Variants in SLC1A1 observed in about 807,000 individuals in gnomAD.
SLC1A1 encodes solute carrier family 1 member 1.
Under a neutral mutation model 53.3 loss-of-function variants are expected in SLC1A1, and 43 were observed. The ratio of observed to expected loss-of-function variants is 0.81; its 90% CI spans 0.63 to 1.04. SLC1A1 has a LOEUF of 1.04. SLC1A1 is among the 50% of genes least tolerant of loss of function. The pLI is 0.00. For synonymous variants in SLC1A1, 307 were observed against 243.2 expected, an observed-to-expected ratio of 1.26 and a Z score of -2.44; for missense variants, 748 against 664.9, an observed-to-expected ratio of 1.12 and a Z score of -1.37.
intron 10 of SLC1A1, among the ~76,000 whole-genome samples, chr9:4,577,667 G>C (rs755877568): frequency 2.5e-4 from 38 of 152,052 alleles, no homozygotes; most frequent in Non-Finnish European, 4.9e-4. Context: ...GTAGAGATGG[G>C]TTTCACCATG....
intron 10 of SLC1A1, among the ~76,000 whole-genome samples, chr9:4,581,827 A>G (rs1821126591): frequency 1.3e-5 from 2 of 152,224 alleles, no homozygotes; most frequent in South Asian, 2.1e-4. Flanking sequence ...ACACTTGTCA[A>G]AAAACTCTGG....
rs143714386 is a variant in SLC1A1, at chr9:4,577,477, G to C, written c.1193+714G>C. Among the ~76,000 whole-genome samples, 158 of 152,242 alleles carry C rather than the reference G, an allele frequency of 1.0e-3. 1 individual carries two copies. Among genetic ancestry groups the C allele is most frequent in the Middle Eastern group, 3.4e-3 (1 of 294 alleles). ...TATTATGGACAGATTTGCATTTTAT[G>C]TATTTATTTATTTTTTGAGATGGAG... is the stretch of plus-strand genomic sequence containing the variant. On this transcript the variant is annotated intron_variant, in intron 10 of 11. Transcript: ENST00000262352.
At chr9:4,569,873 G>A (rs1303948956) in intron 6 of SLC1A1, among the ~76,000 whole-genome samples, 1 of 152,058 alleles carries the variant, frequency 6.6e-6, no homozygotes, top group Non-Finnish European at 1.5e-5. Context: ...CTGGGCATTG[G>A]GATTATAATG....
At position 4,502,910 on chromosome 9, in the gene SLC1A1, T is replaced by C. The variant is rs192664433; in HGVS notation, c.91+12140T>C. Among the ~76,000 whole-genome samples the C allele has an allele frequency of 3.9e-4, 59 of 151,842 alleles. No individual in the cohort carries two copies. The Middle Eastern group carries it at 0.02, about 53-fold the overall frequency. On this transcript the variant is annotated intron_variant, in intron 1 of 11. Coordinates refer to ENST00000262352, the MANE Select transcript of SLC1A1 (RefSeq NM_004170.6). Reference sequence around the variant, plus strand: ...TCCTTTCCGCTACGCTTCTCCTACATAAACCTTCTGTTTGAGCTTGAATTC... The same window carrying C: ...TCCTTTCCGCTACGCTTCTCCTACACAAACCTTCTGTTTGAGCTTGAATTC...
intron 1 of SLC1A1, among the ~76,000 whole-genome samples, chr9:4,513,895 A>C (rs1302097608): frequency 6.6e-6 from 1 of 152,218 alleles, no homozygotes; most frequent in Non-Finnish European, 1.5e-5. Context: ...TACAAAACTC[A>C]GATGAATCTT....
intron 1 of SLC1A1, among the ~76,000 whole-genome samples, chr9:4,512,528 T>A (rs2130816033): frequency 6.6e-6 from 1 of 151,744 alleles, no homozygotes; most frequent in Non-Finnish European, 1.5e-5. Context: ...AAACAACAAA[T>A]AAAACTCATA....
rs148425995 is a variant in SLC1A1 at position 4,579,685 on chromosome 9, A to G, written c.1193+2922A>G. On this transcript the variant is annotated intron_variant, in intron 10 of 11. Transcript: ENST00000262352. Reference sequence around the variant, plus strand: ...AATTAAAAATCCTCACTGGCTCTACATGGAAAATAATAAAAGTTGGTTTTG... The same window carrying G: ...AATTAAAAATCCTCACTGGCTCTACGTGGAAAATAATAAAAGTTGGTTTTG... 2.7e-3 allele frequency among the ~76,000 whole-genome samples: 410 copies of G among 152,358 alleles called. 2 individuals are homozygous for G. The highest frequency in any genetic ancestry group is 8.7e-3 in the African/African-American group (361 of 41,582).
intron 1 of SLC1A1, among the ~76,000 whole-genome samples, chr9:4,508,179 G>C (rs1266319961): frequency 1.3e-5 from 2 of 152,114 alleles, no homozygotes; most frequent in Non-Finnish European, 2.9e-5. Context: ...ATGATAGGTA[G>C]AATCACCCAT....
chr9:4,555,752 G>A (rs1048161757), intron 2 of SLC1A1, among the ~76,000 whole-genome samples: 1 of 152,136 alleles, frequency 6.6e-6, no homozygotes, highest in Non-Finnish European at 1.5e-5. Flanking sequence ...GGTGCCACCT[G>A]TTCCATCAAG....
rs199651448 is a variant in SLC1A1, at chr9:4,564,307, G to C, written c.326-37G>C. ...CCAGCTGTGCCAGGTGCCCTGGAAGGTTCCTAATGCTCTGTGGACGCTGTT... is the reference window on the plus strand; with the variant it reads ...CCAGCTGTGCCAGGTGCCCTGGAAGCTTCCTAATGCTCTGTGGACGCTGTT... On this transcript the variant is annotated intron_variant, in intron 3 of 11. Transcript: ENST00000262352. 2.8e-6 allele frequency: 4 copies of C among 1,439,466 alleles called. No individual in the cohort carries two copies. The African/African-American group carries it at 4.2e-5, about 15-fold the overall frequency. 89.2% of individuals were successfully genotyped at this position (1,439,466 alleles called of 1,614,324 possible).
chr9:4,506,891 G>C (rs1462717196), intron 1 of SLC1A1, among the ~76,000 whole-genome samples: 1 of 152,188 alleles, frequency 6.6e-6, no homozygotes, highest in East Asian at 1.9e-4. Flanking sequence ...TTTTCCATGA[G>C]GGCAGTACTA....
intron 1 of SLC1A1, among the ~76,000 whole-genome samples, chr9:4,543,295 T>C (rs1035754149): frequency 2.6e-5 from 4 of 152,306 alleles, no homozygotes; most frequent in Non-Finnish European, 5.9e-5. Context: ...CACTTAGTCA[T>C]TTTACTTCCA....
intron 1 of SLC1A1, among the ~76,000 whole-genome samples, chr9:4,521,170 T>C (rs1238584859): frequency 1.3e-5 from 2 of 152,244 alleles, no homozygotes; most frequent in Non-Finnish European, 2.9e-5. Flanking sequence ...TCTAGACCCT[T>C]ACCAGATACA....
chr9:4,525,390 T>G (rs1816221863), intron 1 of SLC1A1, among the ~76,000 whole-genome samples: 1 of 152,186 alleles, frequency 6.6e-6, no homozygotes. Flanking sequence ...CCTGGAGGAC[T>G]TGAAACTCCT....
intron 1 of SLC1A1, among the ~76,000 whole-genome samples, chr9:4,498,134 C>A (rs1244586026): frequency 6.6e-6 from 1 of 152,088 alleles, no homozygotes; most frequent in Non-Finnish European, 1.5e-5. Context: ...ATATTCATTC[C>A]TCAGTTCATT....
chr9:4,522,444 A>G (rs778005370), intron 1 of SLC1A1, among the ~76,000 whole-genome samples: 32 of 152,168 alleles, frequency 2.1e-4, no homozygotes, highest in Non-Finnish European at 3.4e-4. Context: ...ATCCCTGCAC[A>G]TCTCACATGG....
chr9:4,518,671 T>C (rs572297220), intron 1 of SLC1A1, among the ~76,000 whole-genome samples: 2 of 152,204 alleles, frequency 1.3e-5, no homozygotes, highest in South Asian at 2.1e-4. Context: ...TTCTTTCACA[T>C]GGAGAAGCTA....
chr9:4,497,664 G>GAA (rs1820482152), intron 1 of SLC1A1, among the ~76,000 whole-genome samples: 1 of 152,116 alleles, frequency 6.6e-6, no homozygotes, highest in Non-Finnish European at 1.5e-5. Context: ...AACACTTGAT[G>GAA]AATCTATATA....
chr9:4,517,403 A>G (rs1399268067), intron 1 of SLC1A1, among the ~76,000 whole-genome samples: 2 of 152,210 alleles, frequency 1.3e-5, no homozygotes, highest in Non-Finnish European at 2.9e-5. Flanking sequence ...CAGTGGCAGG[A>G]GCAGCGTCCT....
Sources: allele counts gnomAD v4.1 joint callset (sites outside exome capture counted in the v4.1 genomes callset), GRCh38; gene constraint gnomAD v4.1.1; transcripts MANE v1.5; gene names NCBI Gene and HGNC (gene_info 2026-07-23, HGNC 2026-07-21).